Variants in GREM2 observed in about 807,000 individuals in gnomAD.
GREM2 encodes gremlin 2, DAN family BMP antagonist.
Under a neutral mutation model 14.2 loss-of-function variants are expected in GREM2, and 11 were observed. The observed-to-expected ratio is 0.78, with a 90% confidence interval of 0.49 to 1.28. The LOEUF is 1.28. Ranked by LOEUF, GREM2 falls within the 50% of genes most tolerant of loss-of-function variation. The pLI, the probability that GREM2 is intolerant of heterozygous loss-of-function variation, is 0.00. For synonymous variants in GREM2, 98 were observed against 97.6 expected, an observed-to-expected ratio of 1.00 and a Z score of -0.02; for missense variants, 210 against 218.5, an observed-to-expected ratio of 0.96 and a Z score of 0.24.
At chr1:240,574,419 T>G (rs936828508) in intron 1 of GREM2, among the ~76,000 whole-genome samples, 15 of 151,988 alleles carry the variant, frequency 9.9e-5, no homozygotes, top group African/African-American at 3.6e-4. Context: ...CCTCACCTAT[T>G]TATTTATGTG....
chr1:240,559,712 G>A (rs937430752), intron 1 of GREM2, among the ~76,000 whole-genome samples: 8 of 152,106 alleles, frequency 5.3e-5, no homozygotes, highest in African/African-American at 1.9e-4. Flanking sequence ...AAATTCTAGT[G>A]TTTTCCTAAA....
At position 240,510,324 on chromosome 1, in the gene GREM2, C is replaced by T. The variant is rs577039067; in HGVS notation, c.-1-16848G>A. On this transcript the variant is annotated intron_variant, in intron 1 of 1. Transcript: ENST00000318160. ...GGCGGAGCTTGCACTGAGCAGAGAT[C>T]GCGCCACTGCACTCCAGCCTGGGCG... Among the ~76,000 whole-genome samples the T allele has an allele frequency of 1.1e-4, 14 of 126,262 alleles. No homozygotes were observed. The South Asian group carries it at 2.4e-3, about 21-fold the overall frequency. The allele number at this position is 126,262 out of a possible 152,430, so 82.8% of individuals were successfully genotyped here.
At chr1:240,534,418 AG>A (rs1678430035) in intron 1 of GREM2, among the ~76,000 whole-genome samples, 1 of 152,136 alleles carries the variant, frequency 6.6e-6, no homozygotes, top group Admixed American at 6.5e-5. Flanking sequence ...GGCCGGGTGC[AG>A]TGGCTCACGC....
At chr1:240,600,811 C>T (rs377457493) in intron 1 of GREM2, among the ~76,000 whole-genome samples, 4 of 152,214 alleles carry the variant, frequency 2.6e-5, no homozygotes, top group African/African-American at 9.6e-5. Context: ...ATGCATGTCT[C>T]TCCTTCCCCA....
In GREM2 at chr1:240,540,924, T is replaced by C. The variant is rs1678574098; in HGVS notation, c.-1-47448A>G. Among the ~76,000 whole-genome samples the C allele has an allele frequency of 6.6e-6, 1 of 152,144 alleles. No individual in the cohort carries two copies. Among genetic ancestry groups the C allele is most frequent in the African/African-American group, 2.4e-5 (1 of 41,438 alleles). On this transcript the variant is annotated intron_variant, in intron 1 of 1. Transcript: ENST00000318160. This position sits in a 1 kb window ranked among gnomAD's most constrained non-coding sequence, Gnocchi z 4.2. The stretch of plus-strand genomic sequence containing the variant: ...GAGATGGCACTCATCAATCAGTTTG[T>C]CGCCTTCCAGCATTCTGGACCAGAA...
At chr1:240,594,353 G>C (rs1018043673) in intron 1 of GREM2, among the ~76,000 whole-genome samples, 17 of 152,186 alleles carry the variant, frequency 1.1e-4, no homozygotes, top group African/African-American at 4.1e-4. Flanking sequence ...GCATTGTGGG[G>C]AGCATTCAGT....
intron 1 of GREM2, among the ~76,000 whole-genome samples, chr1:240,610,508 A>G (rs1196589899): frequency 6.6e-6 from 1 of 152,212 alleles, no homozygotes; most frequent in Non-Finnish European, 1.5e-5. Context: ...ATAAGAAACA[A>G]AAAACAAACA....
chr1:240,598,984 A>C (rs1679869477), intron 1 of GREM2, among the ~76,000 whole-genome samples: 1 of 152,000 alleles, frequency 6.6e-6, no homozygotes, highest in Non-Finnish European at 1.5e-5. Context: ...ATAAAGAGTA[A>C]GTGGTCGGGT....
chr1:240,600,290 T>C (rs916580818), intron 1 of GREM2, among the ~76,000 whole-genome samples: 1 of 152,110 alleles, frequency 6.6e-6, no homozygotes, highest in South Asian at 2.1e-4. Flanking sequence ...CCAACATGTA[T>C]CATGGAGTGG....
intron 1 of GREM2, among the ~76,000 whole-genome samples, chr1:240,569,203 AC>A (rs1465989744): frequency 2.0e-5 from 3 of 152,208 alleles, no homozygotes; most frequent in Non-Finnish European, 4.4e-5. Context: ...ATTAAAGAAG[AC>A]TTAAATCAAT....
intron 1 of GREM2, among the ~76,000 whole-genome samples, chr1:240,607,229 T>C (rs1291522941): frequency 6.6e-6 from 1 of 152,122 alleles, no homozygotes; most frequent in Non-Finnish European, 1.5e-5. Flanking sequence ...CGCCTTCTCA[T>C]TGTAAAGAGT....
At position 240,522,593 on chromosome 1, in the gene GREM2, T is replaced by C. The variant is rs1392332453; in HGVS notation, c.-1-29117A>G. The stretch of plus-strand genomic sequence containing the variant: ...GGCACCTCTATGTTATCAGTTCCTT[T>C]TATATGAATGTTTGCCCTTGCCCCT... On this transcript the variant is annotated intron_variant, in intron 1 of 1. Coordinates refer to ENST00000318160, the MANE Select transcript of GREM2 (RefSeq NM_022469.4). Among the ~76,000 whole-genome samples, 10 of 152,310 alleles carry C rather than the reference T, an allele frequency of 6.6e-5. 1 individual carries two copies. The South Asian group carries it at 1.9e-3, about 28-fold the overall frequency.
chr1:240,579,724 G>A lies in GREM2; in HGVS notation c.-2+32160C>T, dbSNP rs577015079. On this transcript the variant is annotated intron_variant, in intron 1 of 1. Coordinates refer to ENST00000318160, the MANE Select transcript of GREM2 (RefSeq NM_022469.4). ...AACGGTTTCTGTCTGGGGTCATCAA[G>A]AAAGGTTCATCAGAGCTTGAAGGCG... Among the ~76,000 whole-genome samples the A allele has an allele frequency of 8.5e-5, 13 of 152,216 alleles. No individual in the cohort carries two copies. The South Asian group carries it at 2.5e-3, about 29-fold the overall frequency.
chr1:240,529,772 C>T (rs751147708), intron 1 of GREM2, among the ~76,000 whole-genome samples: 14 of 152,110 alleles, frequency 9.2e-5, no homozygotes, highest in Non-Finnish European at 2.1e-4. Context: ...ATTACACTCC[C>T]AAGCAATGTC....
At chr1:240,582,018 C>A (rs893421941) in intron 1 of GREM2, among the ~76,000 whole-genome samples, 62 of 152,348 alleles carry the variant, frequency 4.1e-4, no homozygotes, top group African/African-American at 1.4e-3. Context: ...GCCCCACCTT[C>A]AGAGTGTCTG....
chr1:240,530,060 T>C (rs539287899), intron 1 of GREM2, among the ~76,000 whole-genome samples: 7 of 152,128 alleles, frequency 4.6e-5, no homozygotes, highest in East Asian at 1.9e-4. Flanking sequence ...GACAACCTCA[T>C]TGGGCACCCG....
rs1335623609 is a variant in GREM2, at chr1:240,612,075, G to C, written c.-193C>G. 5.2e-5 allele frequency: 8 copies of C among 152,732 alleles called. No individual in the cohort carries two copies. The highest frequency in any genetic ancestry group is 7.3e-5 in the Non-Finnish European group (5 of 68,130). The allele number at this position is 152,732 out of a possible 1,614,324, so 9.5% of individuals were successfully genotyped here. On this transcript the variant is annotated 5_prime_UTR_variant, in exon 1 of 2. Transcript: ENST00000318160. ...AAGCGCGCCGGCTGAGGGTGCAGGA[G>C]AGGCGAGAGCGCGCCCCGCGCCGCG...
At chr1:240,609,652 C>A (rs944056337) in intron 1 of GREM2, among the ~76,000 whole-genome samples, 2 of 152,094 alleles carry the variant, frequency 1.3e-5, no homozygotes, top group East Asian at 3.9e-4. Flanking sequence ...TGCCTGCAAC[C>A]TGGCACGTTG....
At chr1:240,585,503 G>A (rs890357806) in intron 1 of GREM2, among the ~76,000 whole-genome samples, 2 of 152,054 alleles carry the variant, frequency 1.3e-5, no homozygotes, top group African/African-American at 4.8e-5. Context: ...GACAAGGTGG[G>A]AGGATCACTT....
Sources: allele counts gnomAD v4.1 joint callset (sites outside exome capture counted in the v4.1 genomes callset), GRCh38; gene constraint gnomAD v4.1.1; non-coding constraint Gnocchi (gnomAD v3.1); transcripts MANE v1.5; gene names NCBI Gene and HGNC (gene_info 2026-07-23, HGNC 2026-07-21).